Variants in LRP2 observed in about 807,000 individuals in gnomAD.
LRP2 encodes low-density lipoprotein receptor-related protein 2.
In LRP2, 172 loss-of-function variants were observed where a neutral mutation model predicts 531.0. That is an observed-to-expected ratio of 0.32 (90% CI 0.29 to 0.37). The LOEUF (loss-of-function observed/expected upper bound fraction) is 0.37. LRP2 is among the 10% of genes least tolerant of loss of function. The pLI is 1.00. For missense variants in LRP2, 5,167 were observed against 5,868.3 expected (o/e 0.88, Z 3.90); for synonymous variants, 1,992 against 2,027.6 (o/e 0.98, Z 0.47).
chr2:169,352,035 G>A (rs1685864576), intron 1 of LRP2, among the ~76,000 whole-genome samples: 1 of 152,224 alleles, frequency 6.6e-6, no homozygotes, highest in Admixed American at 6.5e-5. Context: ...CAAAGGAAAT[G>A]AGCCATGAAG....
chr2:169,244,612 G>C, intron 22 of LRP2, 81 bp downstream of exon 22: 1 of 1,564,352 alleles, frequency 6.4e-7, no homozygotes, highest in South Asian at 1.1e-5. Flanking sequence ...ATGAGCCTTA[G>C]AGGAAAGAAT....
chr2:169,140,255 C>T (rs1347986866), intron 72 of LRP2, among the ~76,000 whole-genome samples, 200 bp downstream of exon 72: 2 of 152,228 alleles, frequency 1.3e-5, no homozygotes, highest in Admixed American at 6.5e-5. Context: ...CAGATCTCCA[C>T]GGGATTCTTA....
At chr2:169,259,879 A>G (rs1690477163) in intron 16 of LRP2, among the ~76,000 whole-genome samples, 1 of 152,094 alleles carries the variant, frequency 6.6e-6, no homozygotes, top group Non-Finnish European at 1.5e-5. Flanking sequence ...GGAAGAAAAA[A>G]TCCTACTACT....
At chr2:169,174,262 T>G in intron 55 of LRP2, 98 bp from the exon 56 acceptor site, 1 of 1,460,298 alleles carries the variant, frequency 6.8e-7, no homozygotes, top group South Asian at 1.2e-5. Flanking sequence ...TCATGATTTC[T>G]TTTTAGAGGA....
At position 169,151,092 on chromosome 2, in the gene LRP2, T is replaced by G. The variant is rs1574074532; in HGVS notation, c.12462-66A>C. ...GAGTAATCATTACTGGGTAAGAGGT[T>G]TGAAGATGAGAGCATTTCGTTTGGC... On this transcript the variant is annotated intron_variant, in intron 67 of 78. Coordinates refer to ENST00000649046, the MANE Select transcript of LRP2 (RefSeq NM_004525.3). 12 of 1,562,568 alleles carry G rather than the reference T, an allele frequency of 7.7e-6. No individual in the cohort carries two copies. The East Asian group carries it at 2.7e-4, about 35-fold the overall frequency.
intron 44 of LRP2, among the ~76,000 whole-genome samples, chr2:169,199,667 C>A (rs1688127372): frequency 6.7e-6 from 1 of 148,288 alleles, no homozygotes; most frequent in Non-Finnish European, 1.5e-5. Context: ...CATAACCCTG[C>A]AGAAAAAAAA....
chr2:169,185,510 C>T lies in LRP2; in HGVS notation c.9838G>A (p.Val3280Ile), dbSNP rs746129912. Residue 3280 changes from valine to isoleucine, a missense_variant, in exon 50 of 79, where the codon GTT becomes ATT. This residue lies in a region of LRP2 where 1,129 missense variants were observed against 1,362.7 expected (regional missense o/e 0.83). Transcript: ENST00000649046. Reference sequence around the variant, plus strand: ...TCATCAGTGTTTTCTTACCTGGAAACCCAGTCTACAGCCAGACTTTCTGCA... The same window carrying T: ...TCATCAGTGTTTTCTTACCTGGAAATCCAGTCTACAGCCAGACTTTCTGCA... ...PAAESLAVDW[V>I]SRKLYWLDAR... 4 of 1,613,170 alleles carry T rather than the reference C, an allele frequency of 2.5e-6. No individual in the cohort carries two copies. Among genetic ancestry groups the T allele is most frequent in the African/African-American group, 1.3e-5 (1 of 74,886 alleles).
intron 20 of LRP2, 121 bp downstream of exon 20, chr2:169,247,257 G>A: frequency 9.2e-7 from 1 of 1,089,118 alleles, no homozygotes; most frequent in South Asian, 1.4e-5. Flanking sequence ...TGAACGACAA[G>A]AATATAAAAC....
chr2:169,187,406 A>G (rs1055888302), intron 49 of LRP2, among the ~76,000 whole-genome samples: 6 of 152,352 alleles, frequency 3.9e-5, no homozygotes, highest in African/African-American at 1.4e-4. Context: ...TATTACAGAG[A>G]CAATATCAAC....
intron 44 of LRP2, among the ~76,000 whole-genome samples, 153 bp from the exon 45 acceptor site, chr2:169,199,064 G>C (rs997327673): frequency 6.6e-6 from 1 of 152,170 alleles, no homozygotes; most frequent in African/African-American, 2.4e-5. Flanking sequence ...TGATACTTAT[G>C]TTACCTATAG....
At chr2:169,155,836 C>A (rs902270147) in intron 65 of LRP2, among the ~76,000 whole-genome samples, 1 of 152,088 alleles carries the variant, frequency 6.6e-6, no homozygotes, top group African/African-American at 2.4e-5. Flanking sequence ...AATTCACGAG[C>A]CCTCTTGGAC....
rs1689171657 is a variant in LRP2, at chr2:169,225,518, C to T, written c.5395-65G>A. The T allele has an allele frequency of 7.6e-6, 12 of 1,578,102 alleles. No individual in the cohort carries two copies. In the Admixed American group the frequency reaches 2.0e-4, roughly 26 times the overall value. On this transcript the variant is annotated intron_variant, in intron 32 of 78. Coordinates refer to ENST00000649046, the MANE Select transcript of LRP2 (RefSeq NM_004525.3). Reference sequence around the variant, plus strand: ...CATGGCTCCTACAAAAGAACCCTTTCTTCACTGTGGCTACTGCCAGCTGCT... The same window carrying T: ...CATGGCTCCTACAAAAGAACCCTTTTTTCACTGTGGCTACTGCCAGCTGCT...
chr2:169,294,578 A>G (rs1368015219), intron 5 of LRP2, 22 bp downstream of exon 5: 27 of 1,533,664 alleles, frequency 1.8e-5, no homozygotes, highest in Non-Finnish European at 2.1e-5. Flanking sequence ...ACACAACTGC[A>G]CATCTTGTGC....
chr2:169,245,372 T>C (rs766614197), intron 21 of LRP2, among the ~76,000 whole-genome samples: 47 of 152,168 alleles, frequency 3.1e-4, no homozygotes, highest in Non-Finnish European at 6.8e-4. Context: ...CTTGAAAATA[T>C]GTCATATGAA....
In LRP2 at chr2:169,198,809, C is replaced by T. The variant is rs773819814; in HGVS notation, c.8555G>A (p.Ser2852Asn). 6.2e-7 allele frequency: 1 copy of T among 1,613,970 alleles called. No individual in the cohort carries two copies. The highest frequency in any genetic ancestry group is 1.1e-5 in the South Asian group (1 of 91,074). The change falls in exon 45 of 79, where the codon AGT becomes AAT. Residue 2852 changes from serine to asparagine, a missense_variant. Around this residue, in one of 6 missense-constraint regions of LRP2, gnomAD observed 1,129 missense variants for 1,362.7 expected, o/e 0.83. Coordinates refer to ENST00000649046, the MANE Select transcript of LRP2 (RefSeq NM_004525.3). ...CDGDNDCGDN[S>N]DENPTYCTTH... Reference sequence around the variant, plus strand: ...ACTGCAATAAGTAGGGTTTTCATCACTGTTATCTCCACAGTCATTGTCTCC... The same window carrying T: ...ACTGCAATAAGTAGGGTTTTCATCATTGTTATCTCCACAGTCATTGTCTCC...
At chr2:169,203,689 G>A (rs1475695233) in intron 42 of LRP2, among the ~76,000 whole-genome samples, 3 of 152,206 alleles carry the variant, frequency 2.0e-5, no homozygotes, top group African/African-American at 7.2e-5. Context: ...CCCAGGAGGT[G>A]GAGGTTGCAG....
intron 65 of LRP2, among the ~76,000 whole-genome samples, chr2:169,155,398 C>T (rs767244783): frequency 1.3e-5 from 2 of 152,146 alleles, no homozygotes; most frequent in Non-Finnish European, 2.9e-5. Flanking sequence ...TGCTTTCACT[C>T]TAGTTTTCAT....
In LRP2 at chr2:169,314,233, T is replaced by TA. The variant is rs199580483; in HGVS notation, c.310+4528dup. Among the ~76,000 whole-genome samples, 29 of 134,504 alleles carry TA rather than the reference T, an allele frequency of 2.2e-4. No homozygotes were observed. In the South Asian group the frequency reaches 2.2e-3, roughly 10 times the overall value. The allele number at this position is 134,504 out of a possible 152,430, so 88.2% of individuals were successfully genotyped here. A position where few individuals can be genotyped will look rare whatever the true frequency, so the allele number is the denominator to read the frequency against. On this transcript the variant is annotated intron_variant, in intron 3 of 78. Coordinates refer to ENST00000649046, the MANE Select transcript of LRP2 (RefSeq NM_004525.3). Reference sequence around the variant, plus strand: ...GCAACATAGTGAGATCCTTATATCTTAAAAGAAAAAAAAAATAAATTTAGC... The same window carrying TA: ...GCAACATAGTGAGATCCTTATATCTTAAAAAGAAAAAAAAAATAAATTTAGC...
intron 38 of LRP2, among the ~76,000 whole-genome samples, chr2:169,207,618 T>C (rs778300511): frequency 3.9e-5 from 6 of 152,184 alleles, no homozygotes; most frequent in Non-Finnish European, 8.8e-5. Context: ...TACATTTTCA[T>C]AGCACAACTT....
Sources: allele counts gnomAD v4.1 joint callset (sites outside exome capture counted in the v4.1 genomes callset), GRCh38; gene constraint gnomAD v4.1.1; regional missense constraint gnomAD v4.1.1; transcripts MANE v1.5; gene names NCBI Gene and HGNC (gene_info 2026-07-23, HGNC 2026-07-21).